KDSR: variants seen among roughly 807,000 people sequenced by gnomAD.
KDSR encodes the protein 3-dehydrosphinganine reductase.
In KDSR, 23 loss-of-function variants were observed where a neutral mutation model predicts 41.3. The ratio of observed to expected loss-of-function variants is 0.56; its 90% CI spans 0.40 to 0.79. The LOEUF (loss-of-function observed/expected upper bound fraction) is 0.79. Among genes scored for constraint, KDSR ranks in the 30% least tolerant of loss-of-function variants. The pLI is 0.00. For missense variants in KDSR, 351 were observed against 416.8 expected (o/e 0.84, Z 1.37); for synonymous variants, 138 against 151.7 (o/e 0.91, Z 0.66).
intron 8 of KDSR, among the ~76,000 whole-genome samples, chr18:63,336,345 T>C (rs1207105850): frequency 6.6e-6 from 1 of 152,148 alleles, no homozygotes; most frequent in African/African-American, 2.4e-5. Flanking sequence ...GCATAATTTT[T>C]ATATGAAAGA....
intron 6 of KDSR, chr18:63,345,604 G>A (rs1201478832): frequency 6.6e-6 from 1 of 152,134 alleles, no homozygotes; most frequent in African/African-American, 2.4e-5. Flanking sequence ...GGTACCCTAG[G>A]CTAAAAATCA....
intron 7 of KDSR, among the ~76,000 whole-genome samples, chr18:63,342,321 G>C (rs1231161293): frequency 6.6e-6 from 1 of 152,078 alleles, no homozygotes; most frequent in African/African-American, 2.4e-5. Context: ...AAAAAAGTGA[G>C]AGTCATGGGC....
chr18:63,349,374 C>T (rs549914479), intron 6 of KDSR, among the ~76,000 whole-genome samples: 59 of 152,080 alleles, frequency 3.9e-4, no homozygotes, highest in South Asian at 1.9e-3. Flanking sequence ...CAAAGAGAGA[C>T]GCTGTCTCTA....
rs978876980 is a variant in KDSR at position 63,337,554 on chromosome 18, CAAGAG to C, written c.777+1241_777+1245del. On this transcript the variant is annotated intron_variant, in intron 8 of 9. Transcript: ENST00000645214. ...ACAATTTGTAAGAATGTAAAGTGGT[CAAGAG>C]AAGAAAAGTTTGAAAACCACTAAAC... Among the ~76,000 whole-genome samples, 84 of 152,174 alleles carry C rather than the reference CAAGAG, an allele frequency of 5.5e-4. 1 individual carries two copies. The highest frequency in any genetic ancestry group is 2.0e-3 in the African/African-American group (84 of 41,502).
chr18:63,338,283 AG>A (rs1914242062), intron 8 of KDSR, among the ~76,000 whole-genome samples: 1 of 152,260 alleles, frequency 6.6e-6, no homozygotes, highest in African/African-American at 2.4e-5. Context: ...GTTGTCAAAA[AG>A]CATGAGGCAC....
intron 5 of KDSR, among the ~76,000 whole-genome samples, chr18:63,353,544 T>C (rs1397834407): frequency 6.6e-6 from 1 of 152,040 alleles, no homozygotes; most frequent in African/African-American, 2.4e-5. Flanking sequence ...GAGTAGGGAC[T>C]AAGAGTCTAT....
At chr18:63,349,366 A>G (rs1914600414) in intron 6 of KDSR, among the ~76,000 whole-genome samples, 1 of 152,180 alleles carries the variant, frequency 6.6e-6, no homozygotes, top group South Asian at 2.1e-4. Flanking sequence ...CTGGGCAACA[A>G]AGAGAGACGC....
At chr18:63,355,117 C>T in intron 5 of KDSR, 87 bp downstream of exon 5, 1 of 851,294 alleles carries the variant, frequency 1.2e-6, no homozygotes, top group Non-Finnish European at 1.9e-6. Flanking sequence ...TGAATGCATT[C>T]ATCTAATTGA....
rs1913888173 is a variant in KDSR, at chr18:63,328,815, T to C, written c.*2967A>G. On this transcript the variant is annotated 3_prime_UTR_variant, in exon 10 of 10. Coordinates refer to ENST00000645214, the MANE Select transcript of KDSR (RefSeq NM_002035.4). ...ATGGCTCAATGTTAATTTTTTAATA[T>C]ACTTGCAAATACATTATAATAAAAT... 5.4e-6 allele frequency: 1 copy of C among 185,670 alleles called. No homozygotes were observed. The highest frequency in any genetic ancestry group is 6.2e-5 in the Admixed American group (1 of 16,080). 11.5% of individuals were successfully genotyped at this position (185,670 alleles called of 1,614,324 possible).
Position 63,342,901 on chromosome 18 carries a change from G to C in KDSR, c.693+1509C>G, listed in dbSNP as rs1435003528. Among the ~76,000 whole-genome samples, 3 of 152,246 alleles carry C rather than the reference G, an allele frequency of 2.0e-5. No homozygotes were observed. The East Asian group carries it at 5.8e-4, about 29-fold the overall frequency. On this transcript the variant is annotated intron_variant, in intron 7 of 9. Coordinates refer to ENST00000645214, the MANE Select transcript of KDSR (RefSeq NM_002035.4). ...CTGGTGGGAGGTCACTGGATCATGGGGGTGGATTTCCCTCTTGCTATTCTC... is the reference window on the plus strand; with the variant it reads ...CTGGTGGGAGGTCACTGGATCATGGCGGTGGATTTCCCTCTTGCTATTCTC...
chr18:63,339,917 T>C (rs1914296406), intron 7 of KDSR, among the ~76,000 whole-genome samples: 1 of 152,202 alleles, frequency 6.6e-6, no homozygotes. Flanking sequence ...CAGATTATAT[T>C]TTCTTAAAAT....
At chr18:63,335,432 A>G in intron 8 of KDSR, 74 bp from the exon 9 acceptor site, 1 of 994,226 alleles carries the variant, frequency 1.0e-6, no homozygotes, top group Admixed American at 1.8e-5. Context: ...CACATCAGAA[A>G]CAGTGGAGTG....
In KDSR at chr18:63,362,878, A is replaced by C. The variant is rs1387190551; in HGVS notation, c.109-10T>G. 6.3e-7 allele frequency: 1 copy of C among 1,591,066 alleles called. No homozygotes were observed. Among genetic ancestry groups the C allele is most frequent in the Non-Finnish European group, 8.6e-7 (1 of 1,160,200 alleles). On this transcript the variant is annotated splice_polypyrimidine_tract_variant and intron_variant, in intron 1 of 9. Coordinates refer to ENST00000645214, the MANE Select transcript of KDSR (RefSeq NM_002035.4). ...TGGAACCTCCTGTAACCTAAAACAAAATCATAAAATATTCTTAGCACTTGA... is the reference window on the plus strand; with the variant it reads ...TGGAACCTCCTGTAACCTAAAACAACATCATAAAATATTCTTAGCACTTGA...
rs1234465342 is a variant in KDSR, at chr18:63,357,643, C to CG, written c.256-2081dup. 8.5e-5 allele frequency among the ~76,000 whole-genome samples: 12 copies of CG among 142,006 alleles called. No homozygotes were observed. The Admixed American group carries it at 9.0e-4, about 11-fold the overall frequency. 93.2% of individuals were successfully genotyped at this position (142,006 alleles called of 152,430 possible). ...CTCTGTTACCCAGGCTGGAGTACAGCGGTGCAATCTCTGCTCACCTCAAGC... is the reference window on the plus strand; with the variant it reads ...CTCTGTTACCCAGGCTGGAGTACAGCGGGTGCAATCTCTGCTCACCTCAAGC... On this transcript the variant is annotated intron_variant, in intron 3 of 9. Transcript: ENST00000645214.
At chr18:63,337,110 G>A (rs1282938303) in intron 8 of KDSR, among the ~76,000 whole-genome samples, 9,265 of 32,556 alleles carry the variant, frequency 0.28, 839 homozygotes, top group Middle Eastern at 0.4. Flanking sequence ...ATATATATAT[G>A]TGAATATATA....
intron 7 of KDSR, among the ~76,000 whole-genome samples, chr18:63,341,974 GCCAA>G (rs10567980): frequency 0.3 from 45,608 of 151,330 alleles, 7,305 homozygotes; most frequent in African/African-American, 0.41. Context: ...GACCAGCCTG[GCCAA>G]CATGGTGAAA....
intron 7 of KDSR, 127 bp downstream of exon 7, chr18:63,344,283 A>G (rs1330613815): frequency 5.1e-6 from 3 of 585,632 alleles, no homozygotes. Context: ...GTCATCAGAA[A>G]CCAGCTAGGC....
At chr18:63,344,715 G>A in intron 6 of KDSR, 1 of 444,824 alleles carries the variant, frequency 2.2e-6, no homozygotes, top group Non-Finnish European at 4.0e-6. Context: ...GAAAACAGCT[G>A]GCCCTAAAGT....
chr18:63,342,791 G>C (rs1914379889), intron 7 of KDSR, among the ~76,000 whole-genome samples: 1 of 152,114 alleles, frequency 6.6e-6, no homozygotes. Context: ...CGACGTCCTA[G>C]GCTCAAACTA....
Sources: allele counts gnomAD v4.1 joint callset (sites outside exome capture counted in the v4.1 genomes callset), GRCh38; gene constraint gnomAD v4.1.1; transcripts MANE v1.5; gene names NCBI Gene and HGNC (gene_info 2026-07-23, HGNC 2026-07-21).